ADAMTSL1: variants seen among roughly 807,000 people sequenced by gnomAD.
ADAMTSL1 encodes ADAMTS-like protein 1.
In ADAMTSL1, 126 loss-of-function variants were observed where a neutral mutation model predicts 201.8. That is an observed-to-expected ratio of 0.62 (90% CI 0.54 to 0.72). The LOEUF (loss-of-function observed/expected upper bound fraction) is 0.72. Ranked by LOEUF, ADAMTSL1 falls within the 30% of genes least tolerant of loss-of-function variation. The pLI is 0.00. For missense variants in ADAMTSL1, 2,679 were observed against 2,277.8 expected, an observed-to-expected ratio of 1.18 and a Z score of -3.59; for synonymous variants, 1,121 against 903.4, an observed-to-expected ratio of 1.24 and a Z score of -4.32.
intron 1 of ADAMTSL1, among the ~76,000 whole-genome samples, chr9:18,076,619 A>G (rs897179514): frequency 2.0e-5 from 3 of 152,200 alleles, no homozygotes; most frequent in Non-Finnish European, 2.9e-5. Context: ...TTCCATTCAG[A>G]GCAAATAGAA....
chr9:18,903,716 T>C (rs200994581), intron 26 of ADAMTSL1, among the ~76,000 whole-genome samples: 2 of 29,002 alleles, frequency 6.9e-5, no homozygotes, highest in Non-Finnish European at 1.3e-4. Context: ...CCACAGGTGA[T>C]TGATTGGTGT....
At chr9:18,355,942 C>G (rs1836202390) in intron 2 of ADAMTSL1, among the ~76,000 whole-genome samples, 1 of 152,242 alleles carries the variant, frequency 6.6e-6, no homozygotes. Flanking sequence ...TGACGCCCTG[C>G]CTGGGCCTTG....
intron 20 of ADAMTSL1, among the ~76,000 whole-genome samples, chr9:18,813,681 T>G (rs1170232671): frequency 6.6e-6 from 1 of 152,242 alleles, no homozygotes; most frequent in African/African-American, 2.4e-5. Context: ...CCTGCAACTT[T>G]ACTGAATTTG....
At chr9:18,082,644 C>T (rs1189770821) in intron 1 of ADAMTSL1, among the ~76,000 whole-genome samples, 4 of 152,186 alleles carry the variant, frequency 2.6e-5, no homozygotes, top group African/African-American at 9.6e-5. Context: ...CCATGAATCC[C>T]TCTACCACCA....
At chr9:18,824,178 G>A (rs1193227255) in intron 21 of ADAMTSL1, among the ~76,000 whole-genome samples, 2 of 86,810 alleles carry the variant, frequency 2.3e-5, no homozygotes, top group East Asian at 2.6e-4. Flanking sequence ...TAAATGCCGT[G>A]GATTTTTTTT....
intron 1 of ADAMTSL1, among the ~76,000 whole-genome samples, chr9:18,485,558 G>A (rs1159935439): frequency 6.6e-6 from 1 of 152,204 alleles, no homozygotes; most frequent in Non-Finnish European, 1.5e-5. Context: ...CAAAGAATGG[G>A]AGGGATGCTG....
intron 1 of ADAMTSL1, among the ~76,000 whole-genome samples, chr9:18,502,970 G>A (rs1399794181): frequency 2.0e-5 from 3 of 151,942 alleles, no homozygotes; most frequent in African/African-American, 7.3e-5. Context: ...ACAATGTAGT[G>A]TTTATTATTT....
intron 2 of ADAMTSL1, among the ~76,000 whole-genome samples, chr9:18,303,511 G>A (rs1833784064): frequency 6.6e-6 from 1 of 152,188 alleles, no homozygotes; most frequent in African/African-American, 2.4e-5. Flanking sequence ...AAGGCCATGA[G>A]CGGGCTTCTT....
At chr9:18,364,571 A>C (rs1836684783) in intron 2 of ADAMTSL1, among the ~76,000 whole-genome samples, 1 of 152,178 alleles carries the variant, frequency 6.6e-6, no homozygotes, top group Non-Finnish European at 1.5e-5. Flanking sequence ...AAAAACAATA[A>C]CCTATATAAA....
At chr9:18,213,232 T>G (rs1829943892) in intron 2 of ADAMTSL1, among the ~76,000 whole-genome samples, 1 of 152,224 alleles carries the variant, frequency 6.6e-6, no homozygotes. Flanking sequence ...ACTATTAAAC[T>G]GCTAAAGCCA....
intron 2 of ADAMTSL1, among the ~76,000 whole-genome samples, chr9:18,432,432 C>A (rs1285502580): frequency 6.6e-6 from 1 of 152,134 alleles, no homozygotes; most frequent in African/African-American, 2.4e-5. Flanking sequence ...TAGCAAATAA[C>A]CAAAAATTAT....
chr9:18,017,235 T>TGGTG (rs1043425989), intron 1 of ADAMTSL1, among the ~76,000 whole-genome samples: 2 of 152,032 alleles, frequency 1.3e-5, no homozygotes, highest in Admixed American at 6.6e-5. Flanking sequence ...AAATACAAGG[T>TGGTG]GGTGGTGATT....
chr9:18,886,892 A>G (rs1337602616), intron 23 of ADAMTSL1, among the ~76,000 whole-genome samples: 1 of 152,200 alleles, frequency 6.6e-6, no homozygotes, highest in Non-Finnish European at 1.5e-5. Flanking sequence ...TTATGAGTGT[A>G]CTTTCTAAAA....
intron 23 of ADAMTSL1, among the ~76,000 whole-genome samples, chr9:18,842,939 A>G (rs916252065): frequency 2.6e-5 from 4 of 152,044 alleles, no homozygotes; most frequent in African/African-American, 9.7e-5. Flanking sequence ...TCTGCGCGTG[A>G]GATGGGTTTC....
chr9:18,420,908 C>T (rs1818915261), intron 2 of ADAMTSL1, among the ~76,000 whole-genome samples: 1 of 152,154 alleles, frequency 6.6e-6, no homozygotes, highest in Admixed American at 6.5e-5. Flanking sequence ...AAGGCTGTGC[C>T]TTGGCCCTCT....
At chr9:18,046,635 T>G (rs545272585) in intron 1 of ADAMTSL1, among the ~76,000 whole-genome samples, 1 of 152,138 alleles carries the variant, frequency 6.6e-6, no homozygotes, top group Admixed American at 6.6e-5. Context: ...TGTTTTTGAA[T>G]CCCTGTACTC....
intron 2 of ADAMTSL1, among the ~76,000 whole-genome samples, chr9:18,399,330 A>ATATAC (rs1817890325): frequency 1.8e-5 from 1 of 56,630 alleles, no homozygotes; most frequent in Non-Finnish European, 3.6e-5. Flanking sequence ...TATATATATA[A>ATATAC]AATTATTATT....
chr9:18,226,858 A>G (rs2132387368), intron 2 of ADAMTSL1, among the ~76,000 whole-genome samples: 1 of 152,280 alleles, frequency 6.6e-6, no homozygotes, highest in Non-Finnish European at 1.5e-5. Flanking sequence ...AATAATAATC[A>G]TGAATCCAGC....
intron 1 of ADAMTSL1, among the ~76,000 whole-genome samples, chr9:18,002,685 A>G (rs1417218176): frequency 3.3e-5 from 5 of 152,058 alleles, no homozygotes; most frequent in Admixed American, 2.0e-4. Flanking sequence ...TACATGAATT[A>G]ATTCATATAA....
Sources: gnomAD v4.1 joint callset for allele counts (sites outside exome capture counted in the v4.1 genomes callset) on GRCh38, gnomAD v4.1.1 for gene constraint, MANE v1.5 for transcripts, NCBI Gene and HGNC (gene_info 2026-07-23, HGNC 2026-07-21) for gene names.